The following SCMH1 variants were observed in gnomAD, a reference collection of about 807,000 sequenced individuals.
SCMH1 encodes the protein polycomb protein SCMH1.
A neutral mutation model predicts 70.8 loss-of-function variants in SCMH1; 37 were observed. That is an observed-to-expected ratio of 0.52 (90% CI 0.40 to 0.69). The LOEUF is 0.69. Among genes scored for constraint, SCMH1 ranks in the 30% least tolerant of loss-of-function variants. SCMH1 has a pLI of 0.00. For missense variants in SCMH1, 607 were observed against 827.3 expected (o/e 0.73, Z 3.27); for synonymous variants, 292 against 307.4 (o/e 0.95, Z 0.52).
chr1:41,108,798 C>A (rs548468288), intron 8 of SCMH1, among the ~76,000 whole-genome samples: 1 of 152,126 alleles, frequency 6.6e-6, no homozygotes, highest in African/African-American at 2.4e-5. Context: ...GCTACCTATT[C>A]CCAAGATCAT....
At chr1:41,051,133 T>C (rs1232708907) in intron 10 of SCMH1, among the ~76,000 whole-genome samples, 1 of 152,314 alleles carries the variant, frequency 6.6e-6, no homozygotes, top group African/African-American at 2.4e-5. Flanking sequence ...TTTTGGTCAA[T>C]GGCAGACTGC....
chr1:41,120,581 T>C lies in SCMH1; in HGVS notation c.413-3571A>G, dbSNP rs533118858. On this transcript the variant is annotated intron_variant, in intron 6 of 14. Coordinates refer to ENST00000337495, the Ensembl canonical transcript of SCMH1. Reference sequence around the variant, plus strand: ...GCAGAAATATTTTGAACCCAAGAAATTGCTAAGGTATCTTATTCCTCAATC... The same window carrying C: ...GCAGAAATATTTTGAACCCAAGAAACTGCTAAGGTATCTTATTCCTCAATC... Among the ~76,000 whole-genome samples, 7 of 152,274 alleles carry C rather than the reference T, an allele frequency of 4.6e-5. No homozygotes were observed. The East Asian group carries it at 1.2e-3, about 25-fold the overall frequency.
rs560604143 is a variant in SCMH1 at position 41,028,469 on chromosome 1, G to A, written c.1821+115C>T. On this transcript the variant is annotated intron_variant, in intron 14 of 14. Coordinates refer to ENST00000337495, the Ensembl canonical transcript of SCMH1. The stretch of plus-strand genomic sequence containing the variant: ...CCTGCTGTGATGCTGAAGCCTACCT[G>A]TTCTCCTCAGCCTTTGTCTCTAAGC... 5 of 1,510,402 alleles carry A rather than the reference G, an allele frequency of 3.3e-6. No homozygotes were observed. In the African/African-American group the frequency reaches 6.8e-5, roughly 21 times the overall value. The allele number at this position is 1,510,402 out of a possible 1,614,324, so 93.6% of individuals were successfully genotyped here.
At chr1:41,193,233 C>T (rs1363317501) in intron 1 of SCMH1, among the ~76,000 whole-genome samples, 3 of 152,204 alleles carry the variant, frequency 2.0e-5, no homozygotes, top group African/African-American at 7.2e-5. Flanking sequence ...CAGTCTCCCA[C>T]TTAGAATACT....
At chr1:41,181,447 C>T (rs777019270) in intron 2 of SCMH1, among the ~76,000 whole-genome samples, 1 of 152,156 alleles carries the variant, frequency 6.6e-6, no homozygotes, top group Non-Finnish European at 1.5e-5. Flanking sequence ...GCAATCTACT[C>T]ATCTCACAAA....
intron 10 of SCMH1, 96 bp from the exon 11 acceptor site, chr1:41,048,986 G>A (rs760818371): frequency 2.0e-4 from 229 of 1,130,752 alleles, no homozygotes; most frequent in Non-Finnish European, 2.7e-4. Flanking sequence ...CTTGGCCTCT[G>A]GTTCCTAACA....
intron 12 of SCMH1, 36 bp from the exon 13 acceptor site, chr1:41,037,577 G>A (rs781418304): frequency 8.8e-6 from 14 of 1,592,132 alleles, no homozygotes; most frequent in Non-Finnish European, 1.1e-5. Context: ...GAGCTTAGAA[G>A]GACTGCCAGA....
chr1:41,194,388 C>A (rs76396370), intron 1 of SCMH1, among the ~76,000 whole-genome samples: 1 of 151,838 alleles, frequency 6.6e-6, no homozygotes, highest in South Asian at 2.1e-4. Flanking sequence ...TTCCTTAGTA[C>A]GATGTAGAAA....
chr1:41,196,387 A>G (rs1557795030), intron 1 of SCMH1, among the ~76,000 whole-genome samples: 1 of 152,180 alleles, frequency 6.6e-6, no homozygotes, highest in Non-Finnish European at 1.5e-5. Flanking sequence ...AATGTAATAG[A>G]ACAGAGAGCT....
intron 8 of SCMH1, among the ~76,000 whole-genome samples, chr1:41,084,475 T>C (rs1660989188): frequency 6.6e-6 from 1 of 152,000 alleles, no homozygotes; most frequent in South Asian, 2.1e-4. Context: ...AGTCAGGAAA[T>C]AACAGGTGCT....
intron 4 of SCMH1, among the ~76,000 whole-genome samples, chr1:41,157,971 A>C (rs1378399743): frequency 6.6e-6 from 1 of 152,224 alleles, no homozygotes; most frequent in Non-Finnish European, 1.5e-5. Context: ...TGAGTGAATG[A>C]AAAGAAGCAC....
intron 2 of SCMH1, among the ~76,000 whole-genome samples, chr1:41,172,184 CA>C (rs377457192): frequency 0.26 from 22,015 of 85,490 alleles, 1,414 homozygotes; most frequent in Non-Finnish European, 0.3. Flanking sequence ...GACTCCATCT[CA>C]AAAAAAAAAA....
At chr1:41,043,237 G>A (rs1646450279) in intron 12 of SCMH1, 1 of 151,870 alleles carries the variant, frequency 6.6e-6, no homozygotes, top group Non-Finnish European at 1.5e-5. Context: ...GGAATTATAG[G>A]TGCACACCAC....
At chr1:41,027,949 T>C in exon 15 of SCMH1, 1 of 524,566 alleles carries the variant, frequency 1.9e-6, no homozygotes, top group East Asian at 3.3e-5. Context: ...TAGAGGGACC[T>C]TAGAGCCCCG....
At chr1:41,122,268 T>G (rs1368777909) in intron 6 of SCMH1, among the ~76,000 whole-genome samples, 2 of 152,154 alleles carry the variant, frequency 1.3e-5, no homozygotes, top group African/African-American at 2.4e-5. Flanking sequence ...TTCATTGGTC[T>G]TTCTGTTCTC....
chr1:41,089,869 G>A (rs1392569056), intron 8 of SCMH1, among the ~76,000 whole-genome samples: 1 of 129,616 alleles, frequency 7.7e-6, no homozygotes, highest in Non-Finnish European at 1.5e-5. Flanking sequence ...TCAGATCACT[G>A]CAACCTCTAC....
intron 13 of SCMH1, among the ~76,000 whole-genome samples, chr1:41,030,697 A>T (rs577152929): frequency 2.6e-5 from 4 of 152,216 alleles, no homozygotes; most frequent in South Asian, 4.2e-4. Context: ...CGTTACCTAA[A>T]ATAATTTCAT....
At chr1:41,146,794 A>T (rs1359986385) in intron 5 of SCMH1, among the ~76,000 whole-genome samples, 1 of 152,182 alleles carries the variant, frequency 6.6e-6, no homozygotes, top group Admixed American at 6.5e-5. Flanking sequence ...TCGTTAAGCA[A>T]TGCAAAACTA....
intron 8 of SCMH1, among the ~76,000 whole-genome samples, chr1:41,094,111 T>C (rs192533131): frequency 1.3e-5 from 2 of 152,336 alleles, no homozygotes; most frequent in Admixed American, 1.3e-4. Flanking sequence ...GCACTAGTCA[T>C]ACTTCTCATT....
Sources: allele counts gnomAD v4.1 joint callset (sites outside exome capture counted in the v4.1 genomes callset), GRCh38; gene constraint gnomAD v4.1.1; transcripts MANE v1.5; gene names NCBI Gene and HGNC (gene_info 2026-07-23, HGNC 2026-07-21).